MZF1: variants seen among roughly 807,000 people sequenced by gnomAD.
MZF1 encodes zinc finger and SCAN domain-containing protein 6.
A neutral mutation model predicts 28.6 loss-of-function variants in MZF1; 24 were observed. The ratio of observed to expected loss-of-function variants is 0.84; its 90% CI spans 0.61 to 1.18. MZF1 has a LOEUF of 1.18. Among genes scored for constraint, MZF1 ranks in the 50% most tolerant of loss-of-function variants. MZF1 has a pLI of 0.00. For synonymous variants in MZF1, 516 were observed against 432.5 expected (o/e 1.19, Z -2.40); for missense variants, 1,166 against 1,026.4 (o/e 1.14, Z -1.86).
At chr19:58,572,420 G>T (rs1174431689) in intron 1 of MZF1, 4 of 581,326 alleles carry the variant, frequency 6.9e-6, no homozygotes, top group African/African-American at 1.9e-5. Flanking sequence ...CGCAATGGGT[G>T]GGGGGGCGGC....
chr19:58,566,495 TTCTG>T (rs2054060728), intron 5 of MZF1, among the ~76,000 whole-genome samples: 1 of 152,164 alleles, frequency 6.6e-6, no homozygotes, highest in South Asian at 2.1e-4. Context: ...ATGTCTTTGC[TTCTG>T]TATGTACAGA....
At chr19:58,570,885 T>C in intron 2 of MZF1, 109 bp downstream of exon 2, 2 of 1,294,610 alleles carry the variant, frequency 1.5e-6, no homozygotes, top group South Asian at 1.4e-5. Context: ...GGTGGCCACT[T>C]CTGTACCACA....
At position 58,571,219 on chromosome 19, in the gene MZF1, C is replaced by T. The variant is rs373441920; in HGVS notation, c.171G>A (p.Gly57=). 2.5e-6 allele frequency: 4 copies of T among 1,612,516 alleles called. No individual in the cohort carries two copies. The African/African-American group carries it at 5.3e-5, about 22-fold the overall frequency. The part of the protein sequence containing the change: ...FRCFRYEEAT[G]PQEALAQLRE... ...GGAGCTGGGCCAGGGCCTCTTGGGG[C>T]CCTGTGGCCTCCTCATAGCGGAAGC... The change falls in exon 2 of 6, where the codon GGG becomes GGA. Residue 57 remains glycine, a synonymous_variant. Coordinates refer to ENST00000215057, the MANE Select transcript of MZF1 (RefSeq NM_198055.2).
chr19:58,562,716 G>C lies in MZF1; in HGVS notation c.1561C>G (p.Arg521Gly). The change falls in exon 6 of 6, where the codon CGC (arginine) becomes GGC (glycine). Residue 521 changes from arginine to glycine, a missense_variant. Arg to Gly is a moderately radical substitution (Grantham distance 125, BLOSUM62 -2). Transcript: ENST00000215057. ...AGCAGCACTGAGCGGCGGCCGAAGC[G>C]CTCGCCGCACTCGACGCAGCCAAAG... ...KSFGCVECGERFGRRSVLLQH... is the reference protein window; with the variant it reads ...KSFGCVECGEGFGRRSVLLQH... 1 of 1,535,068 alleles carries C rather than the reference G, an allele frequency of 6.5e-7. No individual in the cohort carries two copies.
rs759187784 is a variant in MZF1 at position 58,570,369 on chromosome 19, C to G, written c.555G>C (p.Glu185Asp). 3 of 1,613,206 alleles carry G rather than the reference C, an allele frequency of 1.9e-6. No homozygotes were observed. Among genetic ancestry groups the G allele is most frequent in the Non-Finnish European group, 2.5e-6 (3 of 1,179,366 alleles). ...QESPLGLQVK[E>D]ESEVTEDSDF... ...CTGAGTCCTCTGTAACCTCTGACTC[C>G]TCTTTCACCTGCAGGCCCAGTGGTG... Residue 185 changes from glutamate to aspartate, a missense_variant, in exon 3 of 6, where the codon GAG becomes GAC. Glu to Asp is a conservative substitution (Grantham distance 45). Transcript: ENST00000215057.
intron 1 of MZF1, chr19:58,571,695 T>A: frequency 2.8e-6 from 1 of 361,192 alleles, no homozygotes; most frequent in Non-Finnish European, 5.1e-6. Flanking sequence ...TTTTTTCTTT[T>A]CTTTGAGACA....
At chr19:58,572,720 C>G (rs1302501872) in intron 1 of MZF1, 3 of 933,118 alleles carry the variant, frequency 3.2e-6, no homozygotes, top group Non-Finnish European at 4.5e-6. Flanking sequence ...ACCTGAAACC[C>G]TGGGAGAGAC....
rs910772469 is a variant in MZF1, at chr19:58,569,868, G to A, written c.581-282C>T. The A allele has an allele frequency of 1.6e-5, 7 of 436,002 alleles. No homozygotes were observed. The East Asian group carries it at 2.5e-4, about 16-fold the overall frequency. The allele number at this position is 436,002 out of a possible 1,614,324, so 27.0% of individuals were successfully genotyped here. On this transcript the variant is annotated intron_variant, in intron 3 of 5. Transcript: ENST00000215057. ...GGCAAGGTGGTCAGCGGGGGTCAGA[G>A]GTATTGTACAAGGGTCCACATAGGA...
chr19:58,565,520 AC>A (rs933472130), intron 5 of MZF1, among the ~76,000 whole-genome samples: 3 of 145,802 alleles, frequency 2.1e-5, no homozygotes, highest in Non-Finnish European at 4.5e-5. Flanking sequence ...GTGAGCCACC[AC>A]GCCCAGCCCG....
At chr19:58,566,233 G>T (rs1318097900) in intron 5 of MZF1, among the ~76,000 whole-genome samples, 2 of 151,778 alleles carry the variant, frequency 1.3e-5, no homozygotes, top group Non-Finnish European at 2.9e-5. Context: ...GATCACCTGA[G>T]GTCGGGAGTT....
chr19:58,562,373 G>T lies in MZF1; in HGVS notation c.1904C>A (p.Thr635Lys). Residue 635 changes from threonine to lysine, a missense_variant, in exon 6 of 6, where the codon ACG (threonine) becomes AAG (lysine). Thr to Lys is a moderately conservative substitution (Grantham distance 78). Coordinates refer to ENST00000215057, the MANE Select transcript of MZF1 (RefSeq NM_198055.2). ...YHCGECGLGF[T>K]QVSRLTEHQR... ...GTGCTCGGTGAGCCGCGAGACCTGC[G>T]TGAAGCCCAGGCCGCACTCACCGCA... The T allele has an allele frequency of 6.2e-7, 1 of 1,607,026 alleles. No individual in the cohort carries two copies. Among genetic ancestry groups the T allele is most frequent in the Non-Finnish European group, 8.5e-7 (1 of 1,177,760 alleles).
chr19:58,563,108 C>T lies in MZF1; in HGVS notation c.1169G>A (p.Gly390Asp). ...GTGCGAGCTGCGGCTGAAGCTGCGG[C>T]CGCACTCGCTGCACACGAATGGTCG... is the stretch of plus-strand genomic sequence containing the variant. Reference protein sequence around the residue: ...GERPFVCSECGRSFSRSSHLL... With the variant: ...GERPFVCSECDRSFSRSSHLL... Residue 390 changes from glycine to aspartate, a missense_variant, in exon 6 of 6, where the codon GGC (glycine) becomes GAC (aspartate). By Grantham distance (94) the Gly-to-Asp change is moderately conservative. Coordinates refer to ENST00000215057, the MANE Select transcript of MZF1 (RefSeq NM_198055.2). 1.2e-6 allele frequency: 2 copies of T among 1,606,018 alleles called. No individual in the cohort carries two copies.
rs774997667 is a variant in MZF1 at position 58,570,378 on chromosome 19, C to T, written c.546G>A (p.Gln182=). 2 of 1,613,422 alleles carry T rather than the reference C, an allele frequency of 1.2e-6. No homozygotes were observed. The highest frequency in any genetic ancestry group is 1.7e-6 in the Non-Finnish European group (2 of 1,179,570). ...RTMQESPLGL[Q]VKEESEVTED... is the part of the protein sequence containing the mutation. Reference sequence around the variant, plus strand: ...CTGTAACCTCTGACTCCTCTTTCACCTGCAGGCCCAGTGGTGATTCCTGCA... The same window carrying T: ...CTGTAACCTCTGACTCCTCTTTCACTTGCAGGCCCAGTGGTGATTCCTGCA... Residue 182 remains glutamine, a synonymous_variant, in exon 3 of 6, where the codon CAG becomes CAA. Coordinates refer to ENST00000215057, the MANE Select transcript of MZF1 (RefSeq NM_198055.2).
chr19:58,565,743 A>G (rs1600101653), intron 5 of MZF1, among the ~76,000 whole-genome samples: 1 of 144,228 alleles, frequency 6.9e-6, no homozygotes, highest in Admixed American at 6.9e-5. Context: ...CGTGTTAGCC[A>G]GGATGGTCTC....
Position 58,571,158 on chromosome 19 carries a change from G to A in MZF1, c.232C>T (p.Arg78Cys), listed in dbSNP as rs148179129. 2.0e-3 allele frequency: 3,304 copies of A among 1,613,946 alleles called. 17 individuals are homozygous for A. Among genetic ancestry groups the A allele is most frequent in the Non-Finnish European group, 1.6e-3 (1,857 of 1,179,950 alleles). Residue 78 changes from arginine to cysteine, a missense_variant, in exon 2 of 6, where the codon CGC becomes TGC. Coordinates refer to ENST00000215057, the MANE Select transcript of MZF1 (RefSeq NM_198055.2). ...AGCTCCAGCATCTGCTCCTTGGAGCGTACCTCTGGACGCAGCCACTGGCGA... is the reference window on the plus strand; with the variant it reads ...AGCTCCAGCATCTGCTCCTTGGAGCATACCTCTGGACGCAGCCACTGGCGA... ...LCRQWLRPEV[R>C]SKEQMLELLV...
intron 3 of MZF1, 68 bp downstream of exon 3, chr19:58,570,276 A>C (rs1203256563): frequency 1.3e-6 from 2 of 1,486,008 alleles, no homozygotes; most frequent in South Asian, 2.7e-5. Flanking sequence ...CTTCAGACTG[A>C]CTGCTCAGGC....
intron 5 of MZF1, among the ~76,000 whole-genome samples, chr19:58,567,815 CTG>C (rs1201262936): frequency 1.3e-5 from 2 of 152,138 alleles, no homozygotes; most frequent in Non-Finnish European, 2.9e-5. Flanking sequence ...AGAGAACACA[CTG>C]TTTTTTTTTA....
In MZF1 at chr19:58,564,899, TG is replaced by T. The variant is rs1568680250; in HGVS notation, c.773-1396del. 1.8e-4 allele frequency among the ~76,000 whole-genome samples: 20 copies of T among 110,858 alleles called. 4 individuals are homozygous for T. Among genetic ancestry groups the T allele is most frequent in the African/African-American group, 7.3e-4 (17 of 23,362 alleles). 72.7% of individuals were successfully genotyped at this position (110,858 alleles called of 152,430 possible). Reference sequence around the variant, plus strand: ...AGGGTGGAGAATAAGCATCCATGTGTGTGTTTTTTTTTTTTTTTTTTTTTTT... The same window carrying T: ...AGGGTGGAGAATAAGCATCCATGTGTTGTTTTTTTTTTTTTTTTTTTTTTT... On this transcript the variant is annotated intron_variant, in intron 5 of 5. Transcript: ENST00000215057.
At chr19:58,563,775 C>T (rs1342235217) in intron 5 of MZF1, 6 of 381,580 alleles carry the variant, frequency 1.6e-5, no homozygotes, top group African/African-American at 6.2e-5. Flanking sequence ...TTTGGAAGGG[C>T]TGTAGGGCAA....
Sources: gnomAD v4.1 joint callset for allele counts (sites outside exome capture counted in the v4.1 genomes callset) on GRCh38, gnomAD v4.1.1 for gene constraint, MANE v1.5 for transcripts, NCBI Gene and HGNC (gene_info 2026-07-23, HGNC 2026-07-21) for gene names.